Variants in FBXL20 observed in about 807,000 individuals in gnomAD.
FBXL20 encodes the protein F-box and leucine rich repeat protein 20, also known as F-box/LRR-repeat protein 20.
FBXL20 carries 11 observed loss-of-function variants against 64.0 expected under a neutral mutation model. That is an observed-to-expected ratio of 0.17 (90% CI 0.11 to 0.28). The LOEUF is 0.28. Among genes scored for constraint, FBXL20 ranks in the 10% least tolerant of loss-of-function variants. The pLI, the probability that FBXL20 is intolerant of heterozygous loss-of-function variation, is 1.00. For missense variants in FBXL20, 303 were observed against 526.2 expected, an observed-to-expected ratio of 0.58 and a Z score of 4.15; for synonymous variants, 184 against 189.0, an observed-to-expected ratio of 0.97 and a Z score of 0.22.
At chr17:39,301,225 TTACTCCTGACCCATATTG>T in intron 3 of FBXL20, 150 bp from the exon 4 acceptor site, 1 of 648,886 alleles carries the variant, frequency 1.5e-6, no homozygotes, top group Middle Eastern at 2.6e-4. Context: ...ATGATGTGTC[TTACTCCTGACCCATATTG>T]TATTCTCCAA....
intron 6 of FBXL20, among the ~76,000 whole-genome samples, chr17:39,288,251 T>G (rs533534953): frequency 2.4e-4 from 36 of 152,176 alleles, no homozygotes; most frequent in African/African-American, 8.4e-4. Context: ...GCACACATGG[T>G]GAGCCACCGC....
intron 1 of FBXL20, among the ~76,000 whole-genome samples, chr17:39,369,240 G>A (rs1053888887): frequency 2.1e-5 from 3 of 140,956 alleles, no homozygotes; most frequent in Non-Finnish European, 4.6e-5. Flanking sequence ...TCAAACAACA[G>A]AATTAGAATT....
intron 2 of FBXL20, among the ~76,000 whole-genome samples, chr17:39,319,687 A>AAC (rs1318710464): frequency 6.6e-6 from 1 of 151,126 alleles, no homozygotes; most frequent in African/African-American, 2.4e-5. Flanking sequence ...AAAAAAAAAA[A>AAC]AAAAAAAAAC....
chr17:39,362,365 T>C (rs1191530268), intron 1 of FBXL20, among the ~76,000 whole-genome samples: 1 of 152,136 alleles, frequency 6.6e-6, no homozygotes, highest in Non-Finnish European at 1.5e-5. Flanking sequence ...TTTAGAAGGC[T>C]GAGGTACGAG....
chr17:39,267,256 C>T (rs1567856127), intron 12 of FBXL20, among the ~76,000 whole-genome samples: 1 of 151,744 alleles, frequency 6.6e-6, no homozygotes, highest in East Asian at 1.9e-4. Context: ...GTCCTCCCCA[C>T]CCCACACCAC....
At chr17:39,291,200 A>G (rs1458904045) in intron 6 of FBXL20, among the ~76,000 whole-genome samples, 1 of 150,912 alleles carries the variant, frequency 6.6e-6, no homozygotes, top group Admixed American at 6.6e-5. Flanking sequence ...TGACCTCGTG[A>G]TCACCCGCCT....
At chr17:39,398,679 G>GT (rs138907446) in intron 1 of FBXL20, among the ~76,000 whole-genome samples, 6,613 of 146,138 alleles carry the variant, frequency 0.045, 474 homozygotes, top group African/African-American at 0.15. Flanking sequence ...GTTGTTTTTT[G>GT]TTTTTTTTTT....
intron 9 of FBXL20, among the ~76,000 whole-genome samples, chr17:39,276,265 AAG>A (rs2046892294): frequency 6.7e-6 from 1 of 148,176 alleles, no homozygotes. Context: ...GGAAGGGAGG[AAG>A]AGAGGGAAAG....
chr17:39,390,280 G>C (rs1463061621), intron 1 of FBXL20, among the ~76,000 whole-genome samples: 2 of 152,096 alleles, frequency 1.3e-5, no homozygotes, highest in Non-Finnish European at 2.9e-5. Context: ...AAATTGGCCA[G>C]ACGCGGTGGC....
At chr17:39,332,333 C>T (rs1597802296) in intron 2 of FBXL20, among the ~76,000 whole-genome samples, 1 of 152,130 alleles carries the variant, frequency 6.6e-6, no homozygotes, top group African/African-American at 2.4e-5. Flanking sequence ...GCACCTAAGC[C>T]GCTGGATTTT....
intron 1 of FBXL20, among the ~76,000 whole-genome samples, chr17:39,343,481 T>C (rs2047602129): frequency 6.6e-6 from 1 of 152,212 alleles, no homozygotes; most frequent in Non-Finnish European, 1.5e-5. Flanking sequence ...TGCCAGATAC[T>C]GTTTCAGATG....
Position 39,331,380 on chromosome 17 carries a change from T to C in FBXL20, c.104+11800A>G, listed in dbSNP as rs550938933. ...CCTCCCAGAGTGCTGGGATTACAGG[T>C]GGGAGGTATCATGCTCAGCCTAATT... On this transcript the variant is annotated intron_variant, in intron 2 of 14. Transcript: ENST00000264658. Among the ~76,000 whole-genome samples the C allele has an allele frequency of 2.6e-5, 4 of 152,084 alleles. No homozygotes were observed. In the South Asian group the frequency reaches 8.3e-4, roughly 32 times the overall value.
Position 39,252,823 on chromosome 17 carries a change from C to A in FBXL20, c.*8637G>T, listed in dbSNP as rs541472334. ...TTAAAGCAAAAGGAATCCTCTACTG[C>A]CACCTCGGATTTTATTTATTTTAAA... On this transcript the variant is annotated 3_prime_UTR_variant, in exon 15 of 15. Coordinates refer to ENST00000264658, the MANE Select transcript of FBXL20 (RefSeq NM_032875.3). The A allele has an allele frequency of 3.3e-5, 5 of 150,726 alleles. No homozygotes were observed. Among genetic ancestry groups the A allele is most frequent in the African/African-American group, 9.7e-5 (4 of 41,040 alleles). The allele number at this position is 150,726 out of a possible 1,614,324, so 9.3% of individuals were successfully genotyped here. A position where few individuals can be genotyped will look rare whatever the true frequency, so the allele number is the denominator to read the frequency against.
chr17:39,368,517 C>T (rs1267593699), intron 1 of FBXL20, among the ~76,000 whole-genome samples: 1 of 152,148 alleles, frequency 6.6e-6, no homozygotes, highest in Non-Finnish European at 1.5e-5. Context: ...TCTTTCCTAC[C>T]AAGTCCTGAG....
At chr17:39,365,948 G>A (rs1410726939) in intron 1 of FBXL20, among the ~76,000 whole-genome samples, 1 of 152,036 alleles carries the variant, frequency 6.6e-6, no homozygotes, top group African/African-American at 2.4e-5. Flanking sequence ...TGTAACACAG[G>A]AAAGAACTAA....
rs959077760 is a variant in FBXL20, at chr17:39,258,874, G to A, written c.*2586C>T. 15 of 152,266 alleles carry A rather than the reference G, an allele frequency of 9.9e-5. No individual in the cohort carries two copies. The highest frequency in any genetic ancestry group is 5.9e-4 in the Admixed American group (9 of 15,288). The allele number at this position is 152,266 out of a possible 1,614,324, so 9.4% of individuals were successfully genotyped here. A position where few individuals can be genotyped will look rare whatever the true frequency, so the allele number is the denominator to read the frequency against. On this transcript the variant is annotated 3_prime_UTR_variant, in exon 15 of 15. Coordinates refer to ENST00000264658, the MANE Select transcript of FBXL20 (RefSeq NM_032875.3). ...CATCTGGAAGTATGTGTGTATGCAC[G>A]TATGTATTTTTATGTGTAGGGGTAC...
At chr17:39,355,145 GGTCTCTTAACTCCTGACCTCAA>G (rs1174427159) in intron 1 of FBXL20, among the ~76,000 whole-genome samples, 1 of 152,144 alleles carries the variant, frequency 6.6e-6, no homozygotes, top group Non-Finnish European at 1.5e-5. Context: ...TGGTCAGGCT[GGTCTCTTAACTCCTGACCTCAA>G]GTGATCCACC....
chr17:39,293,746 T>G (rs917147475), intron 6 of FBXL20, among the ~76,000 whole-genome samples: 3 of 152,134 alleles, frequency 2.0e-5, no homozygotes, highest in African/African-American at 7.2e-5. Flanking sequence ...TCACTAGATC[T>G]TCTTTGCCAA....
chr17:39,281,538 A>G, intron 8 of FBXL20, 75 bp from the exon 9 acceptor site: 1 of 1,263,624 alleles, frequency 7.9e-7, no homozygotes, highest in Non-Finnish European at 1.1e-6. Flanking sequence ...GAATGTACAC[A>G]TTCATTCATA....
Sources: allele counts gnomAD v4.1 joint callset (sites outside exome capture counted in the v4.1 genomes callset), GRCh38; gene constraint gnomAD v4.1.1; transcripts MANE v1.5; gene names NCBI Gene and HGNC (gene_info 2026-07-23, HGNC 2026-07-21).